The following HDDC3 variants were observed in gnomAD, a reference collection of about 807,000 sequenced individuals.
HDDC3 encodes HD domain containing 3, also known as guanosine-3',5'-bis(diphosphate) 3'-pyrophosphohydrolase MESH1.
A neutral mutation model predicts 19.1 loss-of-function variants in HDDC3; 18 were observed. That is an observed-to-expected ratio of 0.94 (90% CI 0.65 to 1.40). The LOEUF (loss-of-function observed/expected upper bound fraction) is 1.40. Among genes scored for constraint, HDDC3 ranks in the 40% most tolerant of loss-of-function variants. The pLI, the probability that HDDC3 is intolerant of heterozygous loss-of-function variation, is 0.00. For missense variants in HDDC3, 250 were observed against 228.9 expected (o/e 1.09, Z -0.59); for synonymous variants, 107 against 99.4 (o/e 1.08, Z -0.46).
rs1213276348 is a variant in HDDC3 at position 90,931,189 on chromosome 15, T to C, written c.*86A>G. 6.8e-7 allele frequency: 1 copy of C among 1,477,788 alleles called. No individual in the cohort carries two copies. The highest frequency in any genetic ancestry group is 9.2e-7 in the Non-Finnish European group (1 of 1,086,498). 91.5% of individuals were successfully genotyped at this position (1,477,788 alleles called of 1,614,324 possible). On this transcript the variant is annotated 3_prime_UTR_variant, in exon 4 of 4. Transcript: ENST00000394272. ...AATATCTGGGAAGGATGGAGGGAGC[T>C]CAGGAGACACAGAAAAGATGGCGTA...
chr15:90,931,014 T>C lies in HDDC3; in HGVS notation c.*261A>G. 2.2e-6 allele frequency: 1 copy of C among 455,930 alleles called. No homozygotes were observed. Among genetic ancestry groups the C allele is most frequent in the Non-Finnish European group, 4.0e-6 (1 of 249,602 alleles). The allele number at this position is 455,930 out of a possible 1,614,324, so 28.2% of individuals were successfully genotyped here. A position where few individuals can be genotyped will look rare whatever the true frequency, so the allele number is the denominator to read the frequency against. On this transcript the variant is annotated 3_prime_UTR_variant, in exon 4 of 4. Coordinates refer to ENST00000394272, the MANE Select transcript of HDDC3 (RefSeq NM_001286451.2). Reference sequence around the variant, plus strand: ...CCCTGAGGGGCCAGAGATCCCACCATGCAAAATAGCAAACAGACCCAAGAC... The same window carrying C: ...CCCTGAGGGGCCAGAGATCCCACCACGCAAAATAGCAAACAGACCCAAGAC...
In HDDC3 at chr15:90,931,371, C is replaced by T; in HGVS notation, c.444G>A (p.Glu148=). 2.6e-6 allele frequency: 4 copies of T among 1,557,632 alleles called. No homozygotes were observed. The highest frequency in any genetic ancestry group is 3.5e-6 in the Non-Finnish European group (4 of 1,149,830). Residue 148 remains glutamate (E), a synonymous_variant, in exon 4 of 4, where the codon GAG becomes GAA. Transcript: ENST00000394272. ...GCCCCTTCACCACCTGCGCTGCCCA[C>T]TCGAAGTATTCCTGGACTCGATGTT... ...WSEHRVQEYF[E]WAAQVVKGLQ...
Position 90,931,747 on chromosome 15 carries a change from G to GTCT in HDDC3, c.363_365dup (p.Ala121_Asp122insGlu), listed in dbSNP as rs761655471. The GTCT allele has an allele frequency of 1.9e-6, 3 of 1,614,146 alleles. No homozygotes were observed. The highest frequency in any genetic ancestry group is 2.5e-6 in the Non-Finnish European group (3 of 1,180,028). On this transcript the variant is annotated inframe_insertion, in exon 3 of 4. Coordinates refer to ENST00000394272, the MANE Select transcript of HDDC3 (RefSeq NM_001286451.2). The stretch of plus-strand genomic sequence containing the variant: ...TCAGGTCCCTCAGATTGTACAGCTT[G>GTCT]TCTGCCAGCTTCACCAGTTTGGCCC...
In HDDC3 at chr15:90,930,659, G is replaced by C. The variant is rs1196957331; in HGVS notation, c.*616C>G. ...GCTGGGATTACAGGCGAGAGACACCGCGCCTGGCCCCCTTCCAACTTTCTT... is the reference window on the plus strand; with the variant it reads ...GCTGGGATTACAGGCGAGAGACACCCCGCCTGGCCCCCTTCCAACTTTCTT... On this transcript the variant is annotated 3_prime_UTR_variant, in exon 4 of 4. Transcript: ENST00000394272. The C allele has an allele frequency of 2.0e-5, 3 of 153,592 alleles. No homozygotes were observed. Among genetic ancestry groups the C allele is most frequent in the African/African-American group, 7.2e-5 (3 of 41,462 alleles). The allele number at this position is 153,592 out of a possible 1,614,324, so 9.5% of individuals were successfully genotyped here.
rs1177512609 is a variant in HDDC3 at position 90,930,013 on chromosome 15, A to G, written c.*1262T>C. 1 of 152,190 alleles carries G rather than the reference A, an allele frequency of 6.6e-6. No individual in the cohort carries two copies. The highest frequency in any genetic ancestry group is 2.4e-5 in the African/African-American group (1 of 41,442). The allele number at this position is 152,190 out of a possible 1,614,324, so 9.4% of individuals were successfully genotyped here. A position where few individuals can be genotyped will look rare whatever the true frequency, so the allele number is the denominator to read the frequency against. On this transcript the variant is annotated 3_prime_UTR_variant, in exon 4 of 4. Coordinates refer to ENST00000394272, the MANE Select transcript of HDDC3 (RefSeq NM_001286451.2). ...TGGATGACTGGATGCAGAATAAAATACATAAAAATAAACCTCAGCTGCTCA... is the reference window on the plus strand; with the variant it reads ...TGGATGACTGGATGCAGAATAAAATGCATAAAAATAAACCTCAGCTGCTCA...
chr15:90,930,119 G>T lies in HDDC3; in HGVS notation c.*1156C>A, dbSNP rs1379220467. 6.6e-6 allele frequency: 1 copy of T among 151,906 alleles called. No homozygotes were observed. Among genetic ancestry groups the T allele is most frequent in the African/African-American group, 2.4e-5 (1 of 41,352 alleles). The allele number at this position is 151,906 out of a possible 1,614,324, so 9.4% of individuals were successfully genotyped here. A position where few individuals can be genotyped will look rare whatever the true frequency, so the allele number is the denominator to read the frequency against. ...TTCCACCGCCTCCCCTACGCCGACC[G>T]CCGGGCTCCCGGGGTCGGACAGCCC... On this transcript the variant is annotated 3_prime_UTR_variant, in exon 4 of 4. Coordinates refer to ENST00000394272, the MANE Select transcript of HDDC3 (RefSeq NM_001286451.2).
Position 90,931,300 on chromosome 15 carries a change from A to T in HDDC3, c.515T>A (p.Phe172Tyr). Reference sequence around the variant, plus strand: ...TCAGATTGTCAGCCCCCGCTGCTTGAACAGATGCTTTAGAGCCTCTTCCAG... The same window carrying T: ...TCAGATTGTCAGCCCCCGCTGCTTGTACAGATGCTTTAGAGCCTCTTCCAG... Reference protein sequence around the residue: ...RQLEEALKHLFKQRGLTI With the variant: ...RQLEEALKHLYKQRGLTI Residue 172 changes from phenylalanine (F) to tyrosine (Y), a missense_variant, in exon 4 of 4, where the codon TTC (phenylalanine) becomes TAC (tyrosine). Physicochemically the swap from Phe to Tyr is conservative, Grantham distance 22 (BLOSUM62 3). Coordinates refer to ENST00000394272, the MANE Select transcript of HDDC3 (RefSeq NM_001286451.2). 1.3e-6 allele frequency: 2 copies of T among 1,550,942 alleles called. No homozygotes were observed. Among genetic ancestry groups the T allele is most frequent in the Non-Finnish European group, 1.7e-6 (2 of 1,147,044 alleles).
At chr15:90,931,570 G>T (rs765959972) in intron 3 of HDDC3, 134 bp downstream of exon 3, 1 of 1,614,160 alleles carries the variant, frequency 6.2e-7, no homozygotes, top group Admixed American at 1.7e-5. Context: ...TATGAAAGAA[G>T]ATCAAAGAGT....
At chr15:90,931,992 C>T (rs375560756) in intron 2 of HDDC3, 48 bp from the exon 3 acceptor site, 3 of 1,613,892 alleles carry the variant, frequency 1.9e-6, no homozygotes, top group Non-Finnish European at 2.5e-6. Context: ...CAAGGGTTGC[C>T]CATTGCTGAA....
rs905258052 is a variant in HDDC3 at position 90,930,063 on chromosome 15, G to C, written c.*1212C>G. On this transcript the variant is annotated 3_prime_UTR_variant, in exon 4 of 4. Transcript: ENST00000394272. ...AGCAACGACTGAAAAACCACCACCG[G>C]GCAATCCCTCCCCATGGCCACCGAG... The C allele has an allele frequency of 1.3e-5, 2 of 152,100 alleles. No individual in the cohort carries two copies. Among genetic ancestry groups the C allele is most frequent in the Non-Finnish European group, 2.9e-5 (2 of 68,028 alleles). The allele number at this position is 152,100 out of a possible 1,614,324, so 9.4% of individuals were successfully genotyped here. A position where few individuals can be genotyped will look rare whatever the true frequency, so the allele number is the denominator to read the frequency against.
Position 90,931,271 on chromosome 15 carries a change from C to G in HDDC3, c.*4G>C. On this transcript the variant is annotated 3_prime_UTR_variant, in exon 4 of 4. Transcript: ENST00000394272. ...TTGTGCCTCTGGATAGCTTCAAGCA[C>G]TGATCAGATTGTCAGCCCCCGCTGC... The G allele has an allele frequency of 3.2e-6, 5 of 1,550,778 alleles. No individual in the cohort carries two copies. The highest frequency in any genetic ancestry group is 4.4e-6 in the Non-Finnish European group (5 of 1,147,022).
intron 3 of HDDC3, 140 bp from the exon 4 acceptor site, chr15:90,931,545 A>G: frequency 6.2e-7 from 1 of 1,614,148 alleles, no homozygotes. Context: ...TGGCCCAGCT[A>G]TTGTATTTTT....
chr15:90,932,351 G>A (rs2035830656), intron 1 of HDDC3, 78 bp downstream of exon 1: 3 of 914,654 alleles, frequency 3.3e-6, no homozygotes, highest in Admixed American at 3.7e-5. Flanking sequence ...GCTCAATGAG[G>A]TGCACGCCCC....
Position 90,931,422 on chromosome 15 carries a change from A to G in HDDC3, c.410-17T>C. On this transcript the variant is annotated splice_polypyrimidine_tract_variant and intron_variant, in intron 3 of 3. Transcript: ENST00000394272. ...CTGACCATCCTGCATAAGAGTCGAC[A>G]GAAACTTGCTAGCGTGATGTCAAGG... is the stretch of plus-strand genomic sequence containing the variant. 6.2e-7 allele frequency: 1 copy of G among 1,603,252 alleles called. No individual in the cohort carries two copies. The highest frequency in any genetic ancestry group is 1.7e-4 in the Middle Eastern group (1 of 6,056).
chr15:90,931,634 C>G (rs1170286827), intron 3 of HDDC3, 70 bp downstream of exon 3: 9 of 1,614,100 alleles, frequency 5.6e-6, no homozygotes, highest in Non-Finnish European at 7.6e-6. Context: ...TTCAGGGGAA[C>G]TGACCAACAT....
In HDDC3 at chr15:90,932,511, C is replaced by A; in HGVS notation, c.30G>T (p.Glu10Asp). 1 of 1,301,204 alleles carries A rather than the reference C, an allele frequency of 7.7e-7. No individual in the cohort carries two copies. Among genetic ancestry groups the A allele is most frequent in the South Asian group, 2.4e-5 (1 of 41,398 alleles). 80.6% of individuals were successfully genotyped at this position (1,301,204 alleles called of 1,614,324 possible). Residue 10 changes from glutamate to aspartate, a missense_variant, in exon 1 of 4, where the codon GAG becomes GAT. Physicochemically the swap from Glu to Asp is conservative, Grantham distance 45 (BLOSUM62 2). Transcript: ENST00000394272. MGSEAAQLL[E>D]AADFAARKHR... ...GCTTGCGAGCCGCGAAGTCGGCAGC[C>A]TCCAGCAGCTGCGCCGCCTCAGAGC...
At position 90,931,265 on chromosome 15, in the gene HDDC3, C is replaced by A. The variant is rs779859569; in HGVS notation, c.*10G>T. On this transcript the variant is annotated 3_prime_UTR_variant, in exon 4 of 4. Transcript: ENST00000394272. ...CTGGAGTTGTGCCTCTGGATAGCTT[C>A]AAGCACTGATCAGATTGTCAGCCCC... 6.4e-7 allele frequency: 1 copy of A among 1,550,650 alleles called. No homozygotes were observed. The highest frequency in any genetic ancestry group is 1.2e-5 in the South Asian group (1 of 84,056).
At chr15:90,932,347 TGA>T in intron 1 of HDDC3, 80 bp downstream of exon 1, 1 of 889,218 alleles carries the variant, frequency 1.1e-6, no homozygotes, top group Middle Eastern at 3.2e-4. Context: ...AGGTGCTCAA[TGA>T]GGTGCACGCC....
At position 90,932,459 on chromosome 15, in the gene HDDC3, C is replaced by G. The variant is rs971343113; in HGVS notation, c.82G>C (p.Glu28Gln). The G allele has an allele frequency of 4.5e-6, 6 of 1,333,368 alleles. No homozygotes were observed. Among genetic ancestry groups the G allele is most frequent in the Non-Finnish European group, 5.8e-6 (6 of 1,043,274 alleles). The allele number at this position is 1,333,368 out of a possible 1,614,324, so 82.6% of individuals were successfully genotyped here. Residue 28 changes from glutamate (E) to glutamine (Q), a missense_variant, in exon 1 of 4, where the codon GAG becomes CAG. By Grantham distance (29) the Glu-to-Gln change is conservative (BLOSUM62 2). Coordinates refer to ENST00000394272, the MANE Select transcript of HDDC3 (RefSeq NM_001286451.2). The stretch of plus-strand genomic sequence containing the variant: ...GGGTGGTTGATGTAGGGGGTCCCCT[C>G]GGGGTCCTTCCGCCGCTGCTGCCGG... ...KHRQQRRKDP[E>Q]GTPYINHPIG...
Sources: gnomAD v4.1 joint callset for allele counts on GRCh38, gnomAD v4.1.1 for gene constraint, MANE v1.5 for transcripts, NCBI Gene and HGNC (gene_info 2026-07-23, HGNC 2026-07-21) for gene names.